Variants in ALAS2 observed in about 807,000 individuals in gnomAD.
ALAS2 encodes the protein 5'-aminolevulinate synthase 2.
A neutral mutation model predicts 33.7 loss-of-function variants in ALAS2; 3 were observed. The ratio of observed to expected loss-of-function variants is 0.09; its 90% CI spans 0.04 to 0.23. ALAS2 has a LOEUF of 0.23. Ranked by LOEUF, ALAS2 falls within the 10% of genes least tolerant of loss-of-function variation. The pLI, the probability that ALAS2 is intolerant of heterozygous loss-of-function variation, is 1.00. For missense variants in ALAS2, 304 were observed against 475.1 expected (o/e 0.64, Z 3.35); for synonymous variants, 191 against 177.3 (o/e 1.08, Z -0.61).
At position 55,013,332 on chromosome X, in the gene ALAS2, C is replaced by T. The variant is rs12008515; in HGVS notation, c.1600+154G>A. On this transcript the variant is annotated intron_variant, in intron 10 of 10. Transcript: ENST00000650242. The stretch of plus-strand genomic sequence containing the variant: ...AGCCCTACAAGTGTAGGGGCTGCTT[C>T]TCATTTATTTGTGACCCTAGTATAG... Among the ~76,000 whole-genome samples the T allele has an allele frequency of 5.4e-3, 602 of 112,014 alleles. 1 individual carries two copies. The highest frequency in any genetic ancestry group is 0.018 in the African/African-American group (564 of 30,811).
chrX:55,009,591 C>T (rs1171625573), intron 10 of ALAS2, among the ~76,000 whole-genome samples: 1 of 111,648 alleles, frequency 9.0e-6, no homozygotes, highest in Non-Finnish European at 1.9e-5. Flanking sequence ...CTGTCCTGGC[C>T]TGGACCACTC....
At chrX:55,011,831 C>T (rs921358319) in intron 10 of ALAS2, among the ~76,000 whole-genome samples, 2 of 111,588 alleles carry the variant, frequency 1.8e-5, no homozygotes, top group Admixed American at 9.5e-5. Context: ...GTCATCAGCT[C>T]AGAGAGGTGG....
At chrX:55,016,110 G>A (rs1052264553) in intron 7 of ALAS2, among the ~76,000 whole-genome samples, 15 of 109,251 alleles carry the variant, frequency 1.4e-4, no homozygotes, top group African/African-American at 4.3e-4. Flanking sequence ...CTATTTTCCT[G>A]TTTCTGCTGT....
chrX:55,022,246 G>A (rs1311235765), intron 4 of ALAS2, among the ~76,000 whole-genome samples: 2 of 112,243 alleles, frequency 1.8e-5, no homozygotes, highest in Non-Finnish European at 3.8e-5. Flanking sequence ...CATCCTTGCT[G>A]CAGAGATGTT....
intron 4 of ALAS2, 60 bp from the exon 5 acceptor site, chrX:55,021,334 G>A: frequency 1.0e-6 from 1 of 962,080 alleles, no homozygotes; most frequent in Non-Finnish European, 1.5e-6. Context: ...TGGCTAGTCT[G>A]TATTTTACCC....
chrX:55,012,119 C>A (rs778683516), intron 10 of ALAS2, among the ~76,000 whole-genome samples: 1 of 112,007 alleles, frequency 8.9e-6, no homozygotes, highest in Non-Finnish European at 1.9e-5. Context: ...GCCTACCTAG[C>A]TTGTCTTCCT....
intron 6 of ALAS2, 49 bp from the exon 7 acceptor site, chrX:55,017,714 C>G (rs746749596): frequency 1.7e-6 from 2 of 1,161,465 alleles, no homozygotes; most frequent in South Asian, 1.8e-5. Flanking sequence ...AGTACTCCCA[C>G]TTCAACCTTC....
chrX:55,026,561 C>G lies in ALAS2; in HGVS notation c.-15-546G>C, dbSNP rs760166684. On this transcript the variant is annotated intron_variant, in intron 1 of 10. Transcript: ENST00000650242. The stretch of plus-strand genomic sequence containing the variant: ...ATCAGTTTAAGGAAATCAAGGGATC[C>G]GGAAGGAAGGGTAGGCCCTAGGTCC... 4.5e-5 allele frequency among the ~76,000 whole-genome samples: 5 copies of G among 111,675 alleles called. No homozygotes were observed. The East Asian group carries it at 1.4e-3, about 32-fold the overall frequency.
intron 1 of ALAS2, among the ~76,000 whole-genome samples, chrX:55,027,057 G>T (rs1383656331): frequency 9.1e-6 from 1 of 109,758 alleles, no homozygotes; most frequent in Non-Finnish European, 1.9e-5. Flanking sequence ...AGATTGAGTC[G>T]AGAGAAAGAG....
chrX:55,022,363 A>G (rs1935817702), intron 4 of ALAS2, among the ~76,000 whole-genome samples: 1 of 111,999 alleles, frequency 8.9e-6, no homozygotes, highest in Non-Finnish European at 1.9e-5. Context: ...TTTATTATAT[A>G]ATCTCTGAAA....
intron 6 of ALAS2, among the ~76,000 whole-genome samples, chrX:55,018,049 T>A (rs983947736): frequency 8.9e-6 from 1 of 112,194 alleles, no homozygotes; most frequent in Non-Finnish European, 1.9e-5. Flanking sequence ...CTCGGACTGA[T>A]GCTAGATTGT....
chrX:55,025,727 G>A (rs192538453), intron 2 of ALAS2, 93 bp downstream of exon 2: 255 of 926,970 alleles, frequency 2.8e-4, no homozygotes, highest in Non-Finnish European at 3.6e-4. Context: ...CACATGAACC[G>A]TCCTAATTAT....
At chrX:55,011,104 G>T (rs963054822) in intron 10 of ALAS2, among the ~76,000 whole-genome samples, 1 of 111,299 alleles carries the variant, frequency 9.0e-6, no homozygotes, top group Non-Finnish European at 1.9e-5. Context: ...AAAACAAAAT[G>T]CATGTGGGGA....
rs746181754 is a variant in ALAS2 at position 55,026,011 on chromosome X, A to G, written c.-11T>C. ...GGCTGCAGTCACCATCTTGAACCTAAAGTCCTGCAGAAGACATGGAAGAGA... is the reference window on the plus strand; with the variant it reads ...GGCTGCAGTCACCATCTTGAACCTAGAGTCCTGCAGAAGACATGGAAGAGA... On this transcript the variant is annotated 5_prime_UTR_variant, in exon 2 of 11. Transcript: ENST00000650242. 8.3e-7 allele frequency: 1 copy of G among 1,206,806 alleles called. No individual in the cohort carries two copies. The highest frequency in any genetic ancestry group is 1.8e-5 in the African/African-American group (1 of 56,987).
intron 2 of ALAS2, among the ~76,000 whole-genome samples, chrX:55,025,617 C>T (rs928180497): frequency 8.9e-6 from 1 of 112,157 alleles, no homozygotes; most frequent in Non-Finnish European, 1.9e-5. Context: ...CAGGCGTGAG[C>T]CACTGTGCCT....
At chrX:55,016,056 G>T (rs1935700487) in intron 7 of ALAS2, among the ~76,000 whole-genome samples, 1 of 104,394 alleles carries the variant, frequency 9.6e-6, no homozygotes, top group African/African-American at 3.5e-5. Flanking sequence ...TGGGATCAAG[G>T]CTTGACTCTT....
At chrX:55,017,117 T>C (rs1935714553) in intron 7 of ALAS2, among the ~76,000 whole-genome samples, 3 of 112,154 alleles carry the variant, frequency 2.7e-5, no homozygotes, top group Non-Finnish European at 5.6e-5. Flanking sequence ...ATACTCACTT[T>C]AGCACCAACT....
At chrX:55,023,320 G>A (rs1039713128) in intron 4 of ALAS2, among the ~76,000 whole-genome samples, 1 of 109,986 alleles carries the variant, frequency 9.1e-6, no homozygotes, top group Admixed American at 9.8e-5. Context: ...TCCTGTATAT[G>A]TTGAAAAATA....
At position 55,019,157 on chromosome X, in the gene ALAS2, GT is replaced by G. The variant is rs1216793683; in HGVS notation, c.823+1162del. Among the ~76,000 whole-genome samples the G allele has an allele frequency of 3.6e-5, 4 of 110,841 alleles. No individual in the cohort carries two copies. In the East Asian group the frequency reaches 8.6e-4, roughly 24 times the overall value. On this transcript the variant is annotated intron_variant, in intron 6 of 10. Coordinates refer to ENST00000650242, the MANE Select transcript of ALAS2 (RefSeq NM_000032.5). Reference sequence around the variant, plus strand: ...GAGAGTGATCAGGGGTTGAGGCAATGTTTTTTTATAAGATACAAGAGACTTG... The same window carrying G: ...GAGAGTGATCAGGGGTTGAGGCAATGTTTTTTATAAGATACAAGAGACTTG...
Sources: gnomAD v4.1 joint callset for allele counts (sites outside exome capture counted in the v4.1 genomes callset) on GRCh38, gnomAD v4.1.1 for gene constraint, MANE v1.5 for transcripts, NCBI Gene and HGNC (gene_info 2026-07-23, HGNC 2026-07-21) for gene names.